NDST3: variants seen among roughly 807,000 people sequenced by gnomAD.
NDST3 encodes the protein bifunctional heparan sulfate N-deacetylase/N-sulfotransferase 3.
NDST3 carries 58 observed loss-of-function variants against 96.1 expected under a neutral mutation model. The observed-to-expected ratio is 0.60, with a 90% CI of 0.49 to 0.75. The LOEUF is 0.75. Among genes scored for constraint, NDST3 ranks in the 30% least tolerant of loss-of-function variants. The probability of loss-of-function intolerance (pLI) is 0.00; values close to 1 mark genes in which losing one functional copy is unlikely to be tolerated. For missense variants in NDST3, 788 were observed against 1,034.2 expected (o/e 0.76, Z 3.27); for synonymous variants, 333 against 359.7 (o/e 0.93, Z 0.84).
intron 4 of NDST3, among the ~76,000 whole-genome samples, chr4:118,136,087 T>G (rs1466217441): frequency 6.6e-6 from 1 of 152,222 alleles, no homozygotes; most frequent in African/African-American, 2.4e-5. Context: ...CTTGAGCTTT[T>G]GAACAGCATA....
At chr4:118,211,970 TCACTTTTATGGACCCCTTCCACAGC>T (rs1196648838) in intron 6 of NDST3, among the ~76,000 whole-genome samples, 1 of 152,144 alleles carries the variant, frequency 6.6e-6, no homozygotes, top group East Asian at 1.9e-4. Flanking sequence ...TCAAAGCCCC[TCACTTTTATGGACCCCTTCCACAGC>T]TTGTTTGGGA....
rs192434537 is a variant in NDST3, at chr4:118,176,174, G to A, written c.1539+32490G>A. ...TTCTAGTTACCTTTCTTGAATTTAA[G>A]TCTTAAAAAAAACCCTGCAAGCAAA... is the stretch of plus-strand genomic sequence containing the variant. On this transcript the variant is annotated intron_variant, in intron 6 of 13. Transcript: ENST00000296499. Among the ~76,000 whole-genome samples, 199 of 150,668 alleles carry A rather than the reference G, an allele frequency of 1.3e-3. 1 individual carries two copies. Among genetic ancestry groups the A allele is most frequent in the Non-Finnish European group, 4.0e-4 (27 of 67,702 alleles).
intron 1 of NDST3, among the ~76,000 whole-genome samples, chr4:118,042,624 C>A (rs1212720977): frequency 6.6e-6 from 1 of 152,200 alleles, no homozygotes; most frequent in Admixed American, 6.5e-5. Context: ...CATTAATCTG[C>A]ACCACTCTTT....
At chr4:118,199,983 G>T (rs1327371384) in intron 6 of NDST3, among the ~76,000 whole-genome samples, 1 of 152,176 alleles carries the variant, frequency 6.6e-6, no homozygotes, top group Non-Finnish European at 1.5e-5. Flanking sequence ...AACTGTGCTG[G>T]GTCAGACCTG....
chr4:118,084,185 T>G (rs1242931018), intron 2 of NDST3, among the ~76,000 whole-genome samples: 1 of 152,130 alleles, frequency 6.6e-6, no homozygotes, highest in Non-Finnish European at 1.5e-5. Context: ...GTATTTCGGA[T>G]TCCTGCTAAA....
chr4:118,065,223 G>A (rs1026448468), intron 2 of NDST3, among the ~76,000 whole-genome samples: 1 of 151,980 alleles, frequency 6.6e-6, no homozygotes, highest in Non-Finnish European at 1.5e-5. Context: ...TTCTTACAAC[G>A]ACTCAACTCC....
chr4:118,038,477 T>C (rs928827186), intron 1 of NDST3, among the ~76,000 whole-genome samples: 1 of 152,192 alleles, frequency 6.6e-6, no homozygotes, highest in Non-Finnish European at 1.5e-5. Context: ...CCATCCATCT[T>C]TTAAAAATTG....
chr4:118,133,692 C>T (rs879933520), intron 4 of NDST3, among the ~76,000 whole-genome samples: 3 of 152,096 alleles, frequency 2.0e-5, no homozygotes, highest in Non-Finnish European at 4.4e-5. Flanking sequence ...CTAAAAATTG[C>T]TTTCAAGTAT....
intron 2 of NDST3, among the ~76,000 whole-genome samples, chr4:118,068,166 C>CTT (rs34891564): frequency 0.041 from 3,426 of 84,222 alleles, 150 homozygotes; most frequent in Middle Eastern, 0.055. Context: ...TACTTGATCT[C>CTT]TTTTTTTTTT....
At chr4:118,078,019 G>T (rs2125812799) in intron 2 of NDST3, among the ~76,000 whole-genome samples, 1 of 152,322 alleles carries the variant, frequency 6.6e-6, no homozygotes, top group Non-Finnish European at 1.5e-5. Flanking sequence ...GGGTGGCTCT[G>T]TGCCTCAGTT....
chr4:118,189,513 T>C (rs1411080087), intron 6 of NDST3, among the ~76,000 whole-genome samples: 1 of 152,186 alleles, frequency 6.6e-6, no homozygotes, highest in Admixed American at 6.5e-5. Flanking sequence ...GAAATTTGAT[T>C]TGGGGAAGCC....
intron 1 of NDST3, among the ~76,000 whole-genome samples, chr4:118,041,388 T>G (rs926968960): frequency 6.6e-6 from 1 of 152,250 alleles, no homozygotes; most frequent in Non-Finnish European, 1.5e-5. Flanking sequence ...TATCATATTA[T>G]TTCCTTCAGG....
chr4:118,230,553 C>T lies in NDST3; in HGVS notation c.1820-2459C>T, dbSNP rs551504643. Among the ~76,000 whole-genome samples, 9 of 148,058 alleles carry T rather than the reference C, an allele frequency of 6.1e-5. No homozygotes were observed. The East Asian group carries it at 1.8e-3, about 29-fold the overall frequency. On this transcript the variant is annotated intron_variant, in intron 8 of 13. Coordinates refer to ENST00000296499, the MANE Select transcript of NDST3 (RefSeq NM_004784.3). Reference sequence around the variant, plus strand: ...TCACGCCGCTGCACTCTAGCCTGGGCAACAGAGCGAGACTCCGTTTCAAAA... The same window carrying T: ...TCACGCCGCTGCACTCTAGCCTGGGTAACAGAGCGAGACTCCGTTTCAAAA...
chr4:118,195,010 T>G (rs1420645624), intron 6 of NDST3, among the ~76,000 whole-genome samples: 1 of 152,212 alleles, frequency 6.6e-6, no homozygotes, highest in African/African-American at 2.4e-5. Flanking sequence ...AATTTTAGGA[T>G]AGTTTTTTAT....
At chr4:118,140,671 G>A (rs1733500830) in intron 5 of NDST3, among the ~76,000 whole-genome samples, 3 of 152,266 alleles carry the variant, frequency 2.0e-5, no homozygotes, top group South Asian at 4.2e-4. Context: ...TACAATCATG[G>A]CAGAAGGCAA....
At chr4:118,196,930 GTTGT>G (rs1324161892) in intron 6 of NDST3, among the ~76,000 whole-genome samples, 3 of 145,700 alleles carry the variant, frequency 2.1e-5, no homozygotes, top group African/African-American at 7.6e-5. Context: ...GCATCATTAG[GTTGT>G]TTATTTGAAG....
At chr4:118,121,688 A>G (rs1426518836) in intron 4 of NDST3, among the ~76,000 whole-genome samples, 1 of 152,216 alleles carries the variant, frequency 6.6e-6, no homozygotes, top group African/African-American at 2.4e-5. Flanking sequence ...GAGGAAGCAT[A>G]AGAGAATAAC....
chr4:118,147,488 A>G (rs1734034154), intron 6 of NDST3, among the ~76,000 whole-genome samples: 1 of 152,234 alleles, frequency 6.6e-6, no homozygotes, highest in African/African-American at 2.4e-5. Context: ...GTGATATTCT[A>G]TTTACTTTAG....
chr4:118,099,675 C>T (rs1578636202), intron 2 of NDST3, among the ~76,000 whole-genome samples: 1 of 152,030 alleles, frequency 6.6e-6, no homozygotes, highest in African/African-American at 2.4e-5. Context: ...TCTTATTTCC[C>T]TGCTGAATGT....
Sources: gnomAD v4.1 joint callset for allele counts (sites outside exome capture counted in the v4.1 genomes callset) on GRCh38, gnomAD v4.1.1 for gene constraint, MANE v1.5 for transcripts, NCBI Gene and HGNC (gene_info 2026-07-23, HGNC 2026-07-21) for gene names.